Variants in NXPE2 observed in about 807,000 individuals in gnomAD.
The protein encoded by NXPE2 is neurexophilin and PC-esterase domain family member 2.
Under a neutral mutation model 34.4 loss-of-function variants are expected in NXPE2, and 34 were observed. That is an observed-to-expected ratio of 0.99 (90% CI 0.75 to 1.31). The LOEUF (loss-of-function observed/expected upper bound fraction) is 1.31. NXPE2 is among the 40% of genes most tolerant of loss of function. NXPE2 has a pLI of 0.00. For missense variants in NXPE2, 649 were observed against 672.5 expected (o/e 0.97, Z 0.39); for synonymous variants, 235 against 231.3 (o/e 1.02, Z -0.15).
chr11:114,711,099 G>T (rs370123247), downstream of NXPE2, among the ~76,000 whole-genome samples: 1 of 151,894 alleles, frequency 6.6e-6, no homozygotes, highest in Non-Finnish European at 1.5e-5. Context: ...ATCTCAACAC[G>T]ATAAAAGCCA....
chr11:114,794,677 T>G, the NXPE2 span, among the ~76,000 whole-genome samples: 1 of 152,218 alleles, frequency 6.6e-6, no homozygotes, highest in South Asian at 2.1e-4. Context: ...CAGCTACTAC[T>G]GCAGGGAGGA....
chr11:114,785,659 G>A, the NXPE2 span, among the ~76,000 whole-genome samples: 1 of 152,020 alleles, frequency 6.6e-6, no homozygotes, highest in African/African-American at 2.4e-5. Context: ...GGGTATTGTC[G>A]CTGGCCTAAT....
At chr11:114,543,100 A>G in the NXPE2 span, among the ~76,000 whole-genome samples, 1 of 152,108 alleles carries the variant, frequency 6.6e-6, no homozygotes, top group African/African-American at 2.4e-5. Context: ...CAAAATACAT[A>G]AAGAAATCAC....
chr11:114,808,520 C>T, the NXPE2 span, among the ~76,000 whole-genome samples: 531 of 127,672 alleles, frequency 4.2e-3, no homozygotes, highest in Admixed American at 6.7e-3. Flanking sequence ...ATATCACCAC[C>T]GATCCCACAG....
chr11:114,710,502 A>G (rs1034888164), downstream of NXPE2, among the ~76,000 whole-genome samples: 1 of 152,308 alleles, frequency 6.6e-6, no homozygotes, highest in Middle Eastern at 3.4e-3. Context: ...GAAGAAACTG[A>G]TAAATTCATA....
At chr11:114,600,260 G>A in the NXPE2 span, among the ~76,000 whole-genome samples, 2 of 152,070 alleles carry the variant, frequency 1.3e-5, no homozygotes, top group African/African-American at 4.8e-5. Context: ...CCAGTAAGAA[G>A]ACATATCTTG....
the NXPE2 span, among the ~76,000 whole-genome samples, chr11:114,533,366 A>G: frequency 6.6e-6 from 1 of 152,208 alleles, no homozygotes; most frequent in Admixed American, 6.5e-5. Flanking sequence ...TGAGTGATGC[A>G]GAAGACGGGT....
intron 3 of NXPE2, among the ~76,000 whole-genome samples, chr11:114,703,474 G>A (rs1180677821): frequency 6.6e-6 from 1 of 152,172 alleles, no homozygotes; most frequent in East Asian, 1.9e-4. Flanking sequence ...CAGAAATTCT[G>A]GGTGTGAGGC....
chr11:114,528,895 A>G, the NXPE2 span: 7 of 597,454 alleles, frequency 1.2e-5, no homozygotes, highest in African/African-American at 1.3e-4. Flanking sequence ...AGGATGGTTG[A>G]TGGGTAGGAA....
chr11:114,480,801 A>G, the NXPE2 span, among the ~76,000 whole-genome samples: 7 of 152,306 alleles, frequency 4.6e-5, no homozygotes, highest in African/African-American at 1.7e-4. Flanking sequence ...TTACCGTAAC[A>G]AAAAATAGGA....
At chr11:114,667,610 G>C in the NXPE2 span, among the ~76,000 whole-genome samples, 2 of 152,036 alleles carry the variant, frequency 1.3e-5, no homozygotes, top group East Asian at 3.9e-4. Flanking sequence ...TTTCTCTCTT[G>C]GATTACTTGC....
chr11:114,580,928 C>T, the NXPE2 span, among the ~76,000 whole-genome samples: 2 of 152,066 alleles, frequency 1.3e-5, no homozygotes, highest in African/African-American at 4.8e-5. Context: ...GTTGAGGTAG[C>T]CACAATGGTG....
chr11:114,652,554 C>T, the NXPE2 span, among the ~76,000 whole-genome samples: 2 of 152,142 alleles, frequency 1.3e-5, no homozygotes, highest in African/African-American at 4.8e-5. Context: ...AAGAGATGGT[C>T]CATGTAAAAT....
chr11:114,547,362 T>C, the NXPE2 span, among the ~76,000 whole-genome samples: 1 of 152,168 alleles, frequency 6.6e-6, no homozygotes, highest in Admixed American at 6.5e-5. Flanking sequence ...GAAGGACAGT[T>C]TACAAAATAC....
the NXPE2 span, among the ~76,000 whole-genome samples, chr11:114,484,423 C>A: frequency 1.3e-5 from 2 of 152,100 alleles, no homozygotes; most frequent in Admixed American, 6.6e-5. Context: ...TTTCTTTCTC[C>A]TCTCTGGGCT....
At chr11:114,749,632 C>G in the NXPE2 span, among the ~76,000 whole-genome samples, 8 of 152,174 alleles carry the variant, frequency 5.3e-5, no homozygotes, top group Non-Finnish European at 1.2e-4. Context: ...TTTGTAATGC[C>G]TTTCTCTGAC....
At chr11:114,689,211 T>G (rs965623177) in intron 2 of NXPE2, among the ~76,000 whole-genome samples, 1 of 152,120 alleles carries the variant, frequency 6.6e-6, no homozygotes, top group African/African-American at 2.4e-5. Flanking sequence ...ATCTTCTTGA[T>G]GCAGGGATTT....
At chr11:114,582,306 T>G in the NXPE2 span, 1 of 1,579,408 alleles carries the variant, frequency 6.3e-7, no homozygotes, top group Non-Finnish European at 8.6e-7. Flanking sequence ...GAGGCTCTTT[T>G]CTTGTTTGCT....
upstream of NXPE2, among the ~76,000 whole-genome samples, chr11:114,676,048 T>C (rs1167605419): frequency 6.6e-6 from 1 of 151,882 alleles, no homozygotes; most frequent in Non-Finnish European, 1.5e-5. Context: ...CATATCCACA[T>C]GTGGAAGAAT....
Sources: allele counts gnomAD v4.1 joint callset (sites outside exome capture counted in the v4.1 genomes callset), GRCh38; gene constraint gnomAD v4.1.1; transcripts MANE v1.5; gene names NCBI Gene and HGNC (gene_info 2026-07-23, HGNC 2026-07-21).